Variants in GMDS observed in about 807,000 individuals in gnomAD.
GMDS encodes the protein GDP-mannose 4,6-dehydratase.
In GMDS, 20 loss-of-function variants were observed where a neutral mutation model predicts 49.9. The ratio of observed to expected loss-of-function variants is 0.40; its 90% CI spans 0.28 to 0.58. The LOEUF is 0.58. Among genes scored for constraint, GMDS ranks in the 20% least tolerant of loss-of-function variants. GMDS has a pLI of 0.42. For missense variants in GMDS, 362 were observed against 481.4 expected, an observed-to-expected ratio of 0.75 and a Z score of 2.32; for synonymous variants, 177 against 178.6, an observed-to-expected ratio of 0.99 and a Z score of 0.07.
At chr6:1,852,620 C>CT (rs903841727) in intron 7 of GMDS, among the ~76,000 whole-genome samples, 2 of 150,970 alleles carry the variant, frequency 1.3e-5, no homozygotes, top group South Asian at 2.1e-4. Flanking sequence ...TTCTTAGTGT[C>CT]TTTTTTTTTC....
At chr6:1,704,571 G>C (rs539704782) in intron 9 of GMDS, among the ~76,000 whole-genome samples, 1 of 152,370 alleles carries the variant, frequency 6.6e-6, no homozygotes, top group African/African-American at 2.4e-5. Context: ...GGCCAGGACA[G>C]GTGGATGCGG....
At chr6:2,063,421 A>G (rs1220238136) in intron 4 of GMDS, among the ~76,000 whole-genome samples, 1 of 152,246 alleles carries the variant, frequency 6.6e-6, no homozygotes, top group Non-Finnish European at 1.5e-5. Flanking sequence ...CAAAAGGCCA[A>G]GAAATCACAA....
chr6:2,088,602 T>G (rs1773145143), intron 4 of GMDS, among the ~76,000 whole-genome samples: 1 of 152,214 alleles, frequency 6.6e-6, no homozygotes, highest in Non-Finnish European at 1.5e-5. Flanking sequence ...CATACTTTAC[T>G]TAAAATGAAT....
At chr6:2,005,517 C>G (rs183371141) in intron 4 of GMDS, among the ~76,000 whole-genome samples, 1 of 152,192 alleles carries the variant, frequency 6.6e-6, no homozygotes, top group Non-Finnish European at 1.5e-5. Context: ...TTCGTTTCTG[C>G]TGGCTCATTT....
At chr6:2,069,924 A>G (rs1307086998) in intron 4 of GMDS, among the ~76,000 whole-genome samples, 1 of 152,092 alleles carries the variant, frequency 6.6e-6, no homozygotes, top group East Asian at 1.9e-4. Flanking sequence ...CTGGGTATAT[A>G]CCCAAAGAAT....
At chr6:2,126,456 C>T (rs1050985327) in intron 1 of GMDS, among the ~76,000 whole-genome samples, 1 of 152,102 alleles carries the variant, frequency 6.6e-6, no homozygotes, top group African/African-American at 2.4e-5. Flanking sequence ...AAACCTTTTT[C>T]TTATTACTTG....
intron 7 of GMDS, among the ~76,000 whole-genome samples, chr6:1,842,496 T>C (rs1757192141): frequency 6.6e-6 from 1 of 152,202 alleles, no homozygotes; most frequent in African/African-American, 2.4e-5. Context: ...TGGAGAAGAA[T>C]GTGACTCCAA....
chr6:1,626,207 C>T (rs1762845345), intron 9 of GMDS: 1 of 152,236 alleles, frequency 6.6e-6, no homozygotes, highest in South Asian at 2.1e-4. Context: ...GCAGTACACG[C>T]AGCGACTCTC....
At chr6:2,209,229 G>A (rs1169588056) in intron 1 of GMDS, among the ~76,000 whole-genome samples, 1 of 152,160 alleles carries the variant, frequency 6.6e-6, no homozygotes, top group South Asian at 2.1e-4. Flanking sequence ...AATACACTTG[G>A]TTGAAAAAAT....
chr6:1,917,003 T>TG (rs1373337745), intron 7 of GMDS, among the ~76,000 whole-genome samples: 3 of 152,168 alleles, frequency 2.0e-5, no homozygotes, highest in Non-Finnish European at 1.5e-5. Flanking sequence ...GACTGCTTAA[T>TG]GTAGAGGAAG....
At chr6:2,162,659 A>AACACAC (rs67198377) in intron 1 of GMDS, among the ~76,000 whole-genome samples, 4,058 of 135,756 alleles carry the variant, frequency 0.03, 86 homozygotes, top group South Asian at 0.038. Flanking sequence ...ATAACATTCC[A>AACACAC]ACACACACAC....
intron 7 of GMDS, among the ~76,000 whole-genome samples, chr6:1,852,555 A>G (rs1257196551): frequency 6.6e-6 from 1 of 152,014 alleles, no homozygotes; most frequent in Non-Finnish European, 1.5e-5. Context: ...CTTCCCCTCC[A>G]CTAAAAAGGT....
chr6:2,136,916 AAAAAAAAAG>A (rs1776035638), intron 1 of GMDS, among the ~76,000 whole-genome samples: 1 of 151,892 alleles, frequency 6.6e-6, no homozygotes, highest in Non-Finnish European at 1.5e-5. Context: ...CAAAAAAAAA[AAAAAAAAAG>A]AAAGAAAAAC....
intron 9 of GMDS, among the ~76,000 whole-genome samples, chr6:1,720,226 TGA>T (rs1407266752): frequency 6.6e-6 from 1 of 151,156 alleles, no homozygotes; most frequent in Non-Finnish European, 1.5e-5. Flanking sequence ...GAAATGCTCT[TGA>T]GGGGGGAGAG....
chr6:1,957,798 T>C (rs1272511656), intron 6 of GMDS, among the ~76,000 whole-genome samples: 1 of 152,142 alleles, frequency 6.6e-6, no homozygotes, highest in African/African-American at 2.4e-5. Flanking sequence ...ACATTTTTTA[T>C]TACTTTAAAA....
At chr6:2,220,889 G>A (rs938919359) in intron 1 of GMDS, among the ~76,000 whole-genome samples, 13 of 152,170 alleles carry the variant, frequency 8.5e-5, no homozygotes, top group African/African-American at 2.9e-4. Flanking sequence ...AAGAAGGGAT[G>A]TACAAGCTCA....
chr6:1,958,445 T>G (rs939535224), intron 6 of GMDS, among the ~76,000 whole-genome samples: 12 of 152,142 alleles, frequency 7.9e-5, no homozygotes, highest in Admixed American at 6.5e-5. Flanking sequence ...CAACCACAGC[T>G]AGGATCTTCC....
In GMDS at chr6:2,218,243, C is replaced by T. The variant is rs573414112; in HGVS notation, c.102+27078G>A. 2.0e-5 allele frequency among the ~76,000 whole-genome samples: 3 copies of T among 152,250 alleles called. No homozygotes were observed. In the South Asian group the frequency reaches 6.2e-4, roughly 32 times the overall value. ...AGAAAGAGAAGAAAGTTGAGGATTA[C>T]GATGAACTCATCTGAATACCAAGAC... On this transcript the variant is annotated intron_variant, in intron 1 of 10. Coordinates refer to ENST00000380815, the MANE Select transcript of GMDS (RefSeq NM_001500.4).
intron 1 of GMDS, among the ~76,000 whole-genome samples, chr6:2,221,993 G>C (rs1283619920): frequency 6.6e-6 from 1 of 151,976 alleles, no homozygotes; most frequent in Non-Finnish European, 1.5e-5. Flanking sequence ...TTCTTAAATA[G>C]GAAATACAAA....
Sources: allele counts gnomAD v4.1 joint callset (sites outside exome capture counted in the v4.1 genomes callset), GRCh38; gene constraint gnomAD v4.1.1; transcripts MANE v1.5; gene names NCBI Gene and HGNC (gene_info 2026-07-23, HGNC 2026-07-21).